Variants in CCSER1 observed in about 807,000 individuals in gnomAD.
CCSER1 encodes coiled-coil serine rich protein 1, also known as serine-rich coiled-coil domain-containing protein 1.
Under a neutral mutation model 82.0 loss-of-function variants are expected in CCSER1, and 41 were observed. The observed-to-expected ratio is 0.50, with a 90% CI of 0.39 to 0.65. The LOEUF is 0.65. Among genes scored for constraint, CCSER1 ranks in the 30% least tolerant of loss-of-function variants. The pLI, the probability that CCSER1 is intolerant of heterozygous loss-of-function variation, is 0.00. For missense variants in CCSER1, 1,119 were observed against 1,064.2 expected, an observed-to-expected ratio of 1.05 and a Z score of -0.72; for synonymous variants, 414 against 383.9, an observed-to-expected ratio of 1.08 and a Z score of -0.92.
At position 90,510,092 on chromosome 4, in the gene CCSER1, A is replaced by G. The variant is rs535324495; in HGVS notation, c.1724+41738A>G. On this transcript the variant is annotated intron_variant, in intron 5 of 10. Coordinates refer to ENST00000509176, the MANE Select transcript of CCSER1 (RefSeq NM_001145065.2). ...TAGATGTGCTCATTCACATTGGAAC[A>G]TAAGATATGATATTGAAAGAATTCT... Among the ~76,000 whole-genome samples, 298 of 152,318 alleles carry G rather than the reference A, an allele frequency of 2.0e-3. 1 individual carries two copies. Among genetic ancestry groups the G allele is most frequent in the African/African-American group, 6.9e-3 (287 of 41,584 alleles).
intron 3 of CCSER1, among the ~76,000 whole-genome samples, chr4:90,330,179 T>C (rs542742557): frequency 7.9e-5 from 12 of 152,304 alleles, no homozygotes; most frequent in African/African-American, 2.9e-4. Context: ...TTGTCTTTCT[T>C]CTTTCTTTAT....
At chr4:90,980,252 C>T (rs1735990827) in intron 9 of CCSER1, among the ~76,000 whole-genome samples, 1 of 151,808 alleles carries the variant, frequency 6.6e-6, no homozygotes. Flanking sequence ...CAGTTAGGAG[C>T]TCCAGCAAAT....
intron 10 of CCSER1, among the ~76,000 whole-genome samples, chr4:91,477,665 A>C (rs903027827): frequency 1.3e-5 from 2 of 151,800 alleles, no homozygotes; most frequent in African/African-American, 4.8e-5. Flanking sequence ...GGTTGAAAAA[A>C]TAAAGCAATT....
At chr4:91,385,950 G>T (rs1751257207) in intron 10 of CCSER1, among the ~76,000 whole-genome samples, 1 of 151,766 alleles carries the variant, frequency 6.6e-6, no homozygotes, top group African/African-American at 2.4e-5. Context: ...GTATATCCAT[G>T]TGTATTTATA....
chr4:91,172,870 G>GA (rs1732909195), intron 10 of CCSER1, among the ~76,000 whole-genome samples: 1 of 151,968 alleles, frequency 6.6e-6, no homozygotes, highest in South Asian at 2.1e-4. Flanking sequence ...ACTCATAGAA[G>GA]AAACATATTA....
chr4:91,349,946 T>C (rs1748361565), intron 10 of CCSER1, among the ~76,000 whole-genome samples: 1 of 152,072 alleles, frequency 6.6e-6, no homozygotes, highest in South Asian at 2.1e-4. Flanking sequence ...TACCTGTGTG[T>C]CTCTCCATTT....
intron 4 of CCSER1, among the ~76,000 whole-genome samples, chr4:90,450,956 G>T (rs190043943): frequency 6.6e-6 from 1 of 152,308 alleles, no homozygotes; most frequent in African/African-American, 2.4e-5. Context: ...CTTAAATCCA[G>T]CTTTGAAAGG....
intron 1 of CCSER1, among the ~76,000 whole-genome samples, chr4:90,305,263 G>A (rs115813407): frequency 9.5e-4 from 144 of 152,224 alleles, no homozygotes; most frequent in African/African-American, 3.2e-3. Flanking sequence ...CTTTAAAAAT[G>A]GCCAATAAAT....
chr4:90,911,942 G>T (rs557460965), intron 8 of CCSER1, among the ~76,000 whole-genome samples: 57 of 152,292 alleles, frequency 3.7e-4, no homozygotes, highest in Admixed American at 1.4e-3. Flanking sequence ...AGGGGCGCCC[G>T]CCATTGCTGA....
chr4:90,338,199 A>G (rs978686197), intron 3 of CCSER1, among the ~76,000 whole-genome samples: 2 of 152,126 alleles, frequency 1.3e-5, no homozygotes, highest in Non-Finnish European at 2.9e-5. Flanking sequence ...CATGCTTCCC[A>G]CTTCACTTGC....
In CCSER1 at chr4:91,503,371, T is replaced by A. The variant is rs539652450; in HGVS notation, c.2218-95201T>A. Among the ~76,000 whole-genome samples, 27 of 151,670 alleles carry A rather than the reference T, an allele frequency of 1.8e-4. No individual in the cohort carries two copies. The East Asian group carries it at 3.7e-3, about 21-fold the overall frequency. ...AAAAAAAAAAGAAAAAAAGAAAGAT[T>A]TCCATATTTTCAATGGCTATATGTG... is the stretch of plus-strand genomic sequence containing the variant. On this transcript the variant is annotated intron_variant, in intron 10 of 10. Transcript: ENST00000509176.
chr4:90,493,713 G>T (rs188285285), intron 5 of CCSER1, among the ~76,000 whole-genome samples: 2 of 152,198 alleles, frequency 1.3e-5, no homozygotes, highest in African/African-American at 2.4e-5. Context: ...ACAAGCAAAT[G>T]CTGAGAGATT....
chr4:91,371,901 G>A (rs1750078816), intron 10 of CCSER1, among the ~76,000 whole-genome samples: 1 of 152,096 alleles, frequency 6.6e-6, no homozygotes, highest in Admixed American at 6.6e-5. Context: ...ATAAAAAGAA[G>A]AATGACACAG....
intron 8 of CCSER1, among the ~76,000 whole-genome samples, chr4:90,912,948 A>C (rs963959786): frequency 6.6e-6 from 1 of 152,212 alleles, no homozygotes; most frequent in Non-Finnish European, 1.5e-5. Flanking sequence ...AAAAGGAATG[A>C]AAAGAAACGA....
chr4:90,621,479 A>G (rs1250756289), intron 5 of CCSER1, among the ~76,000 whole-genome samples: 3 of 142,120 alleles, frequency 2.1e-5, no homozygotes, highest in Non-Finnish European at 4.6e-5. Flanking sequence ...TTTTTTTTTC[A>G]TCTTTATAAT....
intron 10 of CCSER1, among the ~76,000 whole-genome samples, chr4:91,349,462 T>C (rs1748317533): frequency 6.6e-6 from 1 of 152,180 alleles, no homozygotes. Flanking sequence ...GTCTAAAGTC[T>C]TACATTAGGC....
intron 3 of CCSER1, among the ~76,000 whole-genome samples, chr4:90,368,477 G>GA (rs1189077263): frequency 6.6e-6 from 1 of 151,566 alleles, no homozygotes; most frequent in African/African-American, 2.4e-5. Flanking sequence ...CTCCACAAAA[G>GA]AAAAAAATAC....
At chr4:90,411,179 G>A (rs1025696999) in intron 4 of CCSER1, among the ~76,000 whole-genome samples, 2 of 152,054 alleles carry the variant, frequency 1.3e-5, no homozygotes, top group African/African-American at 2.4e-5. Context: ...ATTCACAGCC[G>A]AATTCTACCA....
intron 9 of CCSER1, among the ~76,000 whole-genome samples, chr4:91,062,936 C>T (rs1451733322): frequency 6.6e-6 from 1 of 152,002 alleles, no homozygotes; most frequent in African/African-American, 2.4e-5. Flanking sequence ...CAAGGGAATT[C>T]TGAAAAGCAA....
Sources: allele counts gnomAD v4.1 joint callset (sites outside exome capture counted in the v4.1 genomes callset), GRCh38; gene constraint gnomAD v4.1.1; transcripts MANE v1.5; gene names NCBI Gene and HGNC (gene_info 2026-07-23, HGNC 2026-07-21).